The following ALK variants were observed in gnomAD, a reference collection of about 807,000 sequenced individuals.
The protein encoded by ALK is ALK tyrosine kinase receptor.
Under a neutral mutation model 163.1 loss-of-function variants are expected in ALK, and 74 were observed. That is an observed-to-expected ratio of 0.45 (90% CI 0.38 to 0.55). ALK has a LOEUF of 0.55. Among genes scored for constraint, ALK ranks in the 20% least tolerant of loss-of-function variants. The probability of loss-of-function intolerance (pLI) is 0.00; values close to 1 mark genes in which losing one functional copy is unlikely to be tolerated. For synonymous variants in ALK, 960 were observed against 843.2 expected (o/e 1.14, Z -2.40); for missense variants, 2,063 against 2,105.3 (o/e 0.98, Z 0.39).
intron 4 of ALK, among the ~76,000 whole-genome samples, chr2:29,451,767 T>C (rs1450251610): frequency 2.0e-5 from 3 of 152,210 alleles, no homozygotes; most frequent in Admixed American, 2.0e-4. Flanking sequence ...TTGAAGTTCC[T>C]GGAGAATAAG....
chr2:29,857,405 A>C (rs556237389), intron 1 of ALK, among the ~76,000 whole-genome samples: 3 of 152,290 alleles, frequency 2.0e-5, no homozygotes, highest in Admixed American at 6.5e-5. Context: ...GTTGGAAAGA[A>C]AAAAAAGGGA....
At chr2:29,408,620 T>C (rs1207526166) in intron 4 of ALK, among the ~76,000 whole-genome samples, 1 of 152,272 alleles carries the variant, frequency 6.6e-6, no homozygotes, top group Admixed American at 6.5e-5. Flanking sequence ...TAAAAGAGGC[T>C]TATGTAGTAC....
intron 1 of ALK, among the ~76,000 whole-genome samples, chr2:29,882,956 T>G (rs1666902609): frequency 6.6e-6 from 1 of 152,296 alleles, no homozygotes; most frequent in Admixed American, 6.5e-5. Flanking sequence ...TACCTATTAC[T>G]CTAATGTTTT....
intron 1 of ALK, among the ~76,000 whole-genome samples, chr2:29,859,299 C>A (rs1431439201): frequency 6.6e-6 from 1 of 152,176 alleles, no homozygotes; most frequent in Non-Finnish European, 1.5e-5. Context: ...GAGGTCAGGT[C>A]TGGGATGGGA....
chr2:29,481,942 T>C (rs537082320), intron 4 of ALK, among the ~76,000 whole-genome samples: 52 of 152,366 alleles, frequency 3.4e-4, no homozygotes, highest in African/African-American at 1.2e-3. Flanking sequence ...GGTGATTAAT[T>C]GGCTGATGTC....
At chr2:29,747,331 C>A (rs940273622) in intron 1 of ALK, among the ~76,000 whole-genome samples, 1 of 152,110 alleles carries the variant, frequency 6.6e-6, no homozygotes, top group Admixed American at 6.5e-5. Flanking sequence ...ATATTCAAAT[C>A]TAAAAACAAA....
At chr2:29,537,089 C>G (rs886850797) in intron 3 of ALK, among the ~76,000 whole-genome samples, 6 of 152,196 alleles carry the variant, frequency 3.9e-5, no homozygotes, top group African/African-American at 1.4e-4. Flanking sequence ...AATTTGCAGA[C>G]TACTCAGGTA....
chr2:29,722,688 C>A (rs75134609), intron 1 of ALK, among the ~76,000 whole-genome samples: 8 of 152,138 alleles, frequency 5.3e-5, no homozygotes, highest in African/African-American at 1.7e-4. Flanking sequence ...ACTACTGTTA[C>A]CAAATTTGTG....
intron 4 of ALK, among the ~76,000 whole-genome samples, chr2:29,500,735 C>G (rs944674418): frequency 6.6e-6 from 1 of 152,140 alleles, no homozygotes; most frequent in Non-Finnish European, 1.5e-5. Flanking sequence ...CTGACCCTGT[C>G]TCATCCATCC....
intron 11 of ALK, among the ~76,000 whole-genome samples, chr2:29,255,709 C>G (rs546009015): frequency 5.3e-5 from 8 of 152,100 alleles, no homozygotes; most frequent in Non-Finnish European, 1.2e-4. Flanking sequence ...ACATAAGTCC[C>G]GGACCCACCT....
At chr2:29,584,416 C>A (rs566888274) in intron 3 of ALK, among the ~76,000 whole-genome samples, 2 of 152,272 alleles carry the variant, frequency 1.3e-5, no homozygotes, top group African/African-American at 2.4e-5. Context: ...TTGGAGCAGG[C>A]CTGTATTGAA....
intron 1 of ALK, among the ~76,000 whole-genome samples, chr2:29,826,449 A>T (rs977230803): frequency 5.4e-5 from 7 of 129,650 alleles, no homozygotes; most frequent in Admixed American, 7.7e-5. Flanking sequence ...CAGTTGATTT[A>T]AAAAAAAAAA....
chr2:29,258,436 T>C (rs1665005568), intron 11 of ALK, among the ~76,000 whole-genome samples: 1 of 152,246 alleles, frequency 6.6e-6, no homozygotes, highest in African/African-American at 2.4e-5. Flanking sequence ...CATACATTAG[T>C]TGGAATATAT....
chr2:29,318,246 C>T lies in ALK; in HGVS notation c.1647+58G>A, dbSNP rs187105256. 373 of 1,445,590 alleles carry T rather than the reference C, an allele frequency of 2.6e-4. 3 individuals are homozygous for T. In the Admixed American group the frequency reaches 5.6e-3, roughly 22 times the overall value. 89.5% of individuals were successfully genotyped at this position (1,445,590 alleles called of 1,614,324 possible). A position where few individuals can be genotyped will look rare whatever the true frequency, so the allele number is the denominator to read the frequency against. ...TAGGCTACTTTCTTAATCTGGGTTCCGGAAGTGACAAGAGGTGGGAGGAGA... is the reference window on the plus strand; with the variant it reads ...TAGGCTACTTTCTTAATCTGGGTTCTGGAAGTGACAAGAGGTGGGAGGAGA... On this transcript the variant is annotated intron_variant, in intron 8 of 28. Transcript: ENST00000389048.
intron 1 of ALK, among the ~76,000 whole-genome samples, chr2:29,829,801 TA>T (rs974269417): frequency 3.9e-5 from 6 of 152,216 alleles, no homozygotes; most frequent in African/African-American, 1.4e-4. Context: ...TGGATGTATG[TA>T]TCTATTTCTC....
At chr2:29,841,667 G>T (rs942347636) in intron 1 of ALK, among the ~76,000 whole-genome samples, 1 of 152,196 alleles carries the variant, frequency 6.6e-6, no homozygotes, top group Non-Finnish European at 1.5e-5. Flanking sequence ...AAGAGCCTTA[G>T]TGCTGTCTGA....
intron 1 of ALK, among the ~76,000 whole-genome samples, chr2:29,865,739 T>A (rs1666419485): frequency 6.6e-6 from 1 of 152,238 alleles, no homozygotes. Flanking sequence ...GTTGAAAAGA[T>A]AAGTTTACTC....
intron 12 of ALK, among the ~76,000 whole-genome samples, chr2:29,247,120 C>G (rs1019243091): frequency 1.3e-5 from 2 of 152,074 alleles, no homozygotes; most frequent in Non-Finnish European, 2.9e-5. Flanking sequence ...CGCCTTTCCC[C>G]CGGCCTCCGC....
intron 8 of ALK, among the ~76,000 whole-genome samples, chr2:29,303,059 A>G (rs1318250483): frequency 6.6e-6 from 1 of 152,214 alleles, no homozygotes; most frequent in Non-Finnish European, 1.5e-5. Context: ...AACAAAAGAA[A>G]CTATAAACAG....
Sources: allele counts gnomAD v4.1 joint callset (sites outside exome capture counted in the v4.1 genomes callset), GRCh38; gene constraint gnomAD v4.1.1; transcripts MANE v1.5; gene names NCBI Gene and HGNC (gene_info 2026-07-23, HGNC 2026-07-21).